ATG2B: variants seen among roughly 807,000 people sequenced by gnomAD.
The protein encoded by ATG2B is autophagy-related protein 2 homolog B.
A neutral mutation model predicts 241.3 loss-of-function variants in ATG2B; 121 were observed. The ratio of observed to expected loss-of-function variants is 0.50; its 90% CI spans 0.43 to 0.58. The LOEUF (loss-of-function observed/expected upper bound fraction) is 0.58. Among genes scored for constraint, ATG2B ranks in the 20% least tolerant of loss-of-function variants. The pLI is 0.00. For synonymous variants in ATG2B, 858 were observed against 876.6 expected, an observed-to-expected ratio of 0.98 and a Z score of 0.37; for missense variants, 2,306 against 2,491.6, an observed-to-expected ratio of 0.93 and a Z score of 1.59.
rs1297175617 is a variant in ATG2B, at chr14:96,316,649, C to T, written c.3245G>A (p.Gly1082Asp). 6.2e-6 allele frequency: 10 copies of T among 1,610,640 alleles called. No homozygotes were observed. Among genetic ancestry groups the T allele is most frequent in the Non-Finnish European group, 8.5e-6 (10 of 1,178,988 alleles). ...DNGDLLENKH[G>D]EFWLEFNSGS... ...ACTATTGAACTCTAACCAGAATTCA[C>T]CATGCTTGTTTTCCAACAGATCTCC... Residue 1082 changes from glycine to aspartate, a missense_variant, in exon 21 of 42, where the codon GGT becomes GAT. By Grantham distance (94) the Gly-to-Asp change is moderately conservative. Transcript: ENST00000359933.
chr14:96,295,396 G>GTT, intron 35 of ATG2B, 86 bp downstream of exon 35: 4 of 957,610 alleles, frequency 4.2e-6, no homozygotes, highest in Non-Finnish European at 6.3e-6. Context: ...AATAAATATT[G>GTT]TAAGTACATT....
Position 96,362,805 on chromosome 14 carries a change from C to G in ATG2B, c.162+10G>C, listed in dbSNP as rs778030787. 1 of 1,586,244 alleles carries G rather than the reference C, an allele frequency of 6.3e-7. No individual in the cohort carries two copies. The highest frequency in any genetic ancestry group is 8.6e-7 in the Non-Finnish European group (1 of 1,163,502). ...CGAGCCCCGCCCGGCTCGCCGCCGGCAGCTCTTACCCATTTGTCCAAGGGG... is the reference window on the plus strand; with the variant it reads ...CGAGCCCCGCCCGGCTCGCCGCCGGGAGCTCTTACCCATTTGTCCAAGGGG... On this transcript the variant is annotated intron_variant, in intron 1 of 41. Transcript: ENST00000359933.
At chr14:96,309,371 G>T in intron 29 of ATG2B, 82 bp downstream of exon 29, 1 of 1,459,526 alleles carries the variant, frequency 6.9e-7, no homozygotes, top group South Asian at 1.4e-5. Flanking sequence ...TTTAATAAGT[G>T]ACTTATTAAA....
rs771129877 is a variant in ATG2B, at chr14:96,341,627, A to G, written c.819T>C (p.Asn273=). The G allele has an allele frequency of 3.7e-6, 6 of 1,603,482 alleles. No homozygotes were observed. Among genetic ancestry groups the G allele is most frequent in the Non-Finnish European group, 5.1e-6 (6 of 1,173,748 alleles). ...GGTCAGAAGGTGCTATCTCTGGTAA[A>G]TTTCTAGTTAGCTGTGGGTGTGGCT... is the stretch of plus-strand genomic sequence containing the variant. The part of the protein sequence containing the change: ...IYEPHPQLTR[N]LPEIAPSDPV... Residue 273 remains asparagine (N), a synonymous_variant, in exon 6 of 42, where the codon AAT becomes AAC. Coordinates refer to ENST00000359933, the MANE Select transcript of ATG2B (RefSeq NM_018036.7).
rs1886272755 is a variant in ATG2B at position 96,284,098 on chromosome 14, C to G, written c.*1657G>C. On this transcript the variant is annotated 3_prime_UTR_variant, in exon 42 of 42. Coordinates refer to ENST00000359933, the MANE Select transcript of ATG2B (RefSeq NM_018036.7). ...GACTAATCATAACTGGGTTAACACA[C>G]ATAGCAAGTTTCCTTAAGGGCAAAT... 1 of 152,280 alleles carries G rather than the reference C, an allele frequency of 6.6e-6. No homozygotes were observed. Among genetic ancestry groups the G allele is most frequent in the East Asian group, 1.9e-4 (1 of 5,192 alleles). 9.4% of individuals were successfully genotyped at this position (152,280 alleles called of 1,614,324 possible).
At chr14:96,286,432 T>C (rs1415790641) in intron 41 of ATG2B, among the ~76,000 whole-genome samples, 5 of 152,150 alleles carry the variant, frequency 3.3e-5, no homozygotes, top group Non-Finnish European at 5.9e-5. Flanking sequence ...TGGCTATGTA[T>C]TAGGAAAAAA....
intron 6 of ATG2B, among the ~76,000 whole-genome samples, chr14:96,339,094 CAAG>C (rs1873468439): frequency 6.6e-6 from 1 of 151,918 alleles, no homozygotes; most frequent in African/African-American, 2.4e-5. Context: ...CTTACTCCTG[CAAG>C]AATGGCCATA....
In ATG2B at chr14:96,312,133, T is replaced by C. The variant is rs1189172871; in HGVS notation, c.3869A>G (p.His1290Arg). Reference protein sequence around the residue: ...LRIILDEAALHLSDKCNTVTI... With the variant: ...LRIILDEAALRLSDKCNTVTI... ...GACAGTATTGCATTTGTCAGATAGA[T>C]GTAAAGCAGCTTCATCCAAGATTAT... The change falls in exon 26 of 42, where the codon CAT (histidine) becomes CGT (arginine). Residue 1290 changes from histidine to arginine, a missense_variant. Physicochemically the swap from His to Arg is conservative, Grantham distance 29. This residue lies in a region of ATG2B where 1,927 missense variants were observed against 2,011.2 expected (regional missense o/e 0.96). Coordinates refer to ENST00000359933, the MANE Select transcript of ATG2B (RefSeq NM_018036.7). The C allele has an allele frequency of 6.2e-7, 1 of 1,600,624 alleles. No individual in the cohort carries two copies. Among genetic ancestry groups the C allele is most frequent in the African/African-American group, 1.4e-5 (1 of 73,948 alleles).
intron 29 of ATG2B, among the ~76,000 whole-genome samples, chr14:96,308,257 C>CACATAT (rs1887035808): frequency 3.0e-5 from 1 of 33,724 alleles, no homozygotes; most frequent in African/African-American, 1.3e-4. Context: ...TATATACACA[C>CACATAT]ATATATATAT....
At position 96,325,827 on chromosome 14, in the gene ATG2B, A is replaced by G. The variant is rs1330726439; in HGVS notation, c.2259T>C (p.Ser753=). The G allele has an allele frequency of 1.2e-6, 2 of 1,614,088 alleles. No individual in the cohort carries two copies. The highest frequency in any genetic ancestry group is 1.7e-6 in the Non-Finnish European group (2 of 1,179,998). ...VQVATPALNL[S]VRFPIPDLRS... ...GAAGATCAGGTATTGGGAAGCGAACAGAAAGGTTTAATGCTGGTGTGGCAA... is the reference window on the plus strand; with the variant it reads ...GAAGATCAGGTATTGGGAAGCGAACGGAAAGGTTTAATGCTGGTGTGGCAA... Residue 753 remains serine, a synonymous_variant, in exon 15 of 42, where the codon TCT becomes TCC. Coordinates refer to ENST00000359933, the MANE Select transcript of ATG2B (RefSeq NM_018036.7).
At position 96,290,401 on chromosome 14, in the gene ATG2B, C is replaced by T. The variant is rs1477938325; in HGVS notation, c.5856+35G>A. The stretch of plus-strand genomic sequence containing the variant: ...AGGACCCAACCATTTCACAATGGCT[C>T]TTTTTGGATAGACTAAGGCAGTCTA... On this transcript the variant is annotated intron_variant, in intron 40 of 41. Transcript: ENST00000359933. This position sits in a 1 kb window ranked among gnomAD's most constrained non-coding sequence, Gnocchi z 4.4. 6.3e-7 allele frequency: 1 copy of T among 1,595,530 alleles called. No homozygotes were observed.
rs1887799439 is a variant in ATG2B, at chr14:96,333,730, T to C, written c.1165A>G (p.Ser389Gly). The C allele has an allele frequency of 6.2e-7, 1 of 1,613,824 alleles. No homozygotes were observed. Among genetic ancestry groups the C allele is most frequent in the Admixed American group, 1.7e-5 (1 of 59,982 alleles). The change falls in exon 8 of 42, where the codon AGC becomes GGC. Residue 389 changes from serine to glycine, a missense_variant. Coordinates refer to ENST00000359933, the MANE Select transcript of ATG2B (RefSeq NM_018036.7). ...SLSVGVSSEQSFYETETARTP... is the reference protein window; with the variant it reads ...SLSVGVSSEQGFYETETARTP... ...CGAGCTGTTTCTGTCTCATAAAAGC[T>C]TTGCTCTGAAGATACACCCACAGAG...
chr14:96,295,792 G>A (rs1886624953), intron 34 of ATG2B, among the ~76,000 whole-genome samples: 1 of 147,738 alleles, frequency 6.8e-6, no homozygotes, highest in Non-Finnish European at 1.5e-5. Context: ...ACTTTATGAG[G>A]AAATTAATTT....
rs1012835920 is a variant in ATG2B, at chr14:96,284,036, T to A, written c.*1719A>T. ...AAGTATATTTAAAAGTTAGACAGAT[T>A]TTACAATTTTAAGTTTGATCAAGTG... On this transcript the variant is annotated 3_prime_UTR_variant, in exon 42 of 42. Transcript: ENST00000359933. 6.6e-6 allele frequency: 1 copy of A among 152,220 alleles called. No individual in the cohort carries two copies. Among genetic ancestry groups the A allele is most frequent in the Non-Finnish European group, 1.5e-5 (1 of 68,036 alleles). The allele number at this position is 152,220 out of a possible 1,614,324, so 9.4% of individuals were successfully genotyped here. A position where few individuals can be genotyped will look rare whatever the true frequency, so the allele number is the denominator to read the frequency against.
chr14:96,291,020 C>A, intron 38 of ATG2B, 85 bp from the exon 39 acceptor site: 6 of 1,195,546 alleles, frequency 5.0e-6, no homozygotes, highest in Admixed American at 2.8e-5. Flanking sequence ...TTACTTAAAA[C>A]AAATTCTACA....
At chr14:96,308,289 T>A (rs1176626589) in intron 29 of ATG2B, among the ~76,000 whole-genome samples, 18 of 90,768 alleles carry the variant, frequency 2.0e-4, no homozygotes, top group African/African-American at 7.7e-4. Flanking sequence ...TATATTTTTT[T>A]TTTTTTTTTT....
chr14:96,313,625 A>C (rs561824735), intron 23 of ATG2B, among the ~76,000 whole-genome samples, 190 bp from the exon 24 acceptor site: 64 of 152,204 alleles, frequency 4.2e-4, no homozygotes, highest in Non-Finnish European at 6.9e-4. Context: ...TCAGAAAAGA[A>C]GGTAATGGAT....
intron 16 of ATG2B, 36 bp from the exon 17 acceptor site, chr14:96,322,771 T>TA: frequency 1.9e-6 from 3 of 1,578,684 alleles, no homozygotes; most frequent in Non-Finnish European, 2.6e-6. Flanking sequence ...GACCAAGATC[T>TA]AAGTGTAAAC....
rs1555363888 is a variant in ATG2B, at chr14:96,291,002, G to GA, written c.5580-68_5580-67insT. 6.1e-6 allele frequency: 8 copies of GA among 1,315,758 alleles called. No individual in the cohort carries two copies. In the African/African-American group the frequency reaches 1.1e-4, roughly 18 times the overall value. 81.5% of individuals were successfully genotyped at this position (1,315,758 alleles called of 1,614,324 possible). On this transcript the variant is annotated intron_variant, in intron 38 of 41. Transcript: ENST00000359933. ...TTTATAGACACAGATTAGTTTGAGG[G>GA]TTTTTTTTTACTTAAAACAAATTCT...
Sources: allele counts gnomAD v4.1 joint callset (sites outside exome capture counted in the v4.1 genomes callset), GRCh38; gene constraint gnomAD v4.1.1; regional missense constraint gnomAD v4.1.1; non-coding constraint Gnocchi (gnomAD v3.1); transcripts MANE v1.5; gene names NCBI Gene and HGNC (gene_info 2026-07-23, HGNC 2026-07-21).